The following EMCN variants were observed in gnomAD, a reference collection of about 807,000 sequenced individuals.
The protein encoded by EMCN is endomucin, also known as MUC-14.
In EMCN, 37 loss-of-function variants were observed where a neutral mutation model predicts 38.4. That is an observed-to-expected ratio of 0.96 (90% CI 0.74 to 1.27). The LOEUF (loss-of-function observed/expected upper bound fraction) is 1.27, where lower values mean the gene tolerates loss of function less well. Ranked by LOEUF, EMCN falls within the 50% of genes most tolerant of loss-of-function variation. The probability of loss-of-function intolerance (pLI) is 0.00; values close to 1 mark genes in which losing one functional copy is unlikely to be tolerated. For missense variants in EMCN, 318 were observed against 302.8 expected, an observed-to-expected ratio of 1.05 and a Z score of -0.37; for synonymous variants, 95 against 100.8, an observed-to-expected ratio of 0.94 and a Z score of 0.35.
At chr4:100,467,223 A>G (rs1234421734) in intron 3 of EMCN, among the ~76,000 whole-genome samples, 1 of 152,206 alleles carries the variant, frequency 6.6e-6, no homozygotes, top group Non-Finnish European at 1.5e-5. Context: ...AATGTTTAAG[A>G]TAAATCAAAA....
rs145096892 is a variant in EMCN at position 100,426,035 on chromosome 4, T to C, written c.416-2631A>G. Among the ~76,000 whole-genome samples, 129 of 152,270 alleles carry C rather than the reference T, an allele frequency of 8.5e-4. No homozygotes were observed. In the East Asian group the frequency reaches 0.023, roughly 27 times the overall value. On this transcript the variant is annotated intron_variant, in intron 5 of 11. Coordinates refer to ENST00000296420, the MANE Select transcript of EMCN (RefSeq NM_016242.4). ...ACAGAGACCCTCAGAGTCAAGTCTG[T>C]TGTAATAATGTATGCCCAAATTTAC... is the stretch of plus-strand genomic sequence containing the variant.
At chr4:100,447,427 C>T in intron 5 of EMCN, 106 bp downstream of exon 5, 1 of 767,550 alleles carries the variant, frequency 1.3e-6, no homozygotes, top group Non-Finnish European at 2.2e-6. Context: ...AATGTTTTCC[C>T]TTGTGCTATT....
chr4:100,427,431 C>T (rs1421232189), intron 5 of EMCN, among the ~76,000 whole-genome samples: 5 of 151,110 alleles, frequency 3.3e-5, no homozygotes, highest in African/African-American at 7.3e-5. Context: ...ACCACCACAC[C>T]CAGCTAATTT....
chr4:100,513,508 G>A (rs1310034357), intron 1 of EMCN, among the ~76,000 whole-genome samples: 1 of 152,116 alleles, frequency 6.6e-6, no homozygotes, highest in Non-Finnish European at 1.5e-5. Context: ...GTAGCTCCTT[G>A]AATACTTTTA....
At chr4:100,478,554 C>A (rs1006900881) in intron 2 of EMCN, among the ~76,000 whole-genome samples, 1 of 151,784 alleles carries the variant, frequency 6.6e-6, no homozygotes, top group African/African-American at 2.4e-5. Context: ...GAGAGTGAAA[C>A]AGAAAGAAGG....
intron 11 of EMCN, among the ~76,000 whole-genome samples, chr4:100,404,168 C>T (rs533473339): frequency 1.3e-5 from 2 of 152,108 alleles, no homozygotes; most frequent in African/African-American, 4.8e-5. Context: ...AGGTATTCTT[C>T]TAGGGATTTT....
chr4:100,406,243 A>G (rs1726389705), intron 11 of EMCN, among the ~76,000 whole-genome samples: 2 of 151,784 alleles, frequency 1.3e-5, no homozygotes, highest in South Asian at 4.2e-4. Context: ...CACTCAATTC[A>G]TCTCTGATTT....
At chr4:100,423,273 G>T in intron 6 of EMCN, 39 bp downstream of exon 6, 2 of 1,501,342 alleles carry the variant, frequency 1.3e-6, no homozygotes, top group South Asian at 1.1e-5. Flanking sequence ...GAAAGGGTCA[G>T]GTAGAGCAGA....
At chr4:100,470,641 C>T (rs1728451594) in intron 3 of EMCN, among the ~76,000 whole-genome samples, 2 of 151,892 alleles carry the variant, frequency 1.3e-5, no homozygotes, top group Non-Finnish European at 1.5e-5. Context: ...CTAAATGACC[C>T]ATCAATGACA....
At chr4:100,480,154 A>G in intron 1 of EMCN, 115 bp from the exon 2 acceptor site, 1 of 832,868 alleles carries the variant, frequency 1.2e-6, no homozygotes, top group South Asian at 1.7e-5. Context: ...CCAATTTTCC[A>G]GTTGTAATCA....
Position 100,432,318 on chromosome 4 carries a change from G to A in EMCN, c.416-8914C>T, listed in dbSNP as rs556835263. 7.3e-5 allele frequency among the ~76,000 whole-genome samples: 11 copies of A among 151,672 alleles called. No individual in the cohort carries two copies. In the South Asian group the frequency reaches 1.0e-3, roughly 14 times the overall value. ...TCAACCACAGCCAAAGGAAAGAAAC[G>A]AAAAATAAAAATTACTCTATCCTCT... is the stretch of plus-strand genomic sequence containing the variant. On this transcript the variant is annotated intron_variant, in intron 5 of 11. Transcript: ENST00000296420.
At chr4:100,465,301 A>C in intron 4 of EMCN, 122 bp downstream of exon 4, 1 of 572,746 alleles carries the variant, frequency 1.7e-6, no homozygotes, top group Non-Finnish European at 3.1e-6. Context: ...TCTATTGGGT[A>C]GAGATTAAGA....
At chr4:100,435,613 CCTGA>C (rs1219839336) in intron 5 of EMCN, among the ~76,000 whole-genome samples, 1 of 152,170 alleles carries the variant, frequency 6.6e-6, no homozygotes, top group African/African-American at 2.4e-5. Flanking sequence ...CATCACCCTA[CCTGA>C]CTTCAAACTA....
Position 100,479,977 on chromosome 4 carries a change from G to A in EMCN, c.127C>T (p.Pro43Ser), listed in dbSNP as rs751041552. The change falls in exon 2 of 12, where the codon CCA becomes TCA. Residue 43 changes from proline to serine, a missense_variant. By Grantham distance (74) the Pro-to-Ser change is moderately conservative. Coordinates refer to ENST00000296420, the MANE Select transcript of EMCN (RefSeq NM_016242.4). ...VTTTKPSITT[P>S]NTESLQKNVV... ...TTTTTCTGTAATGATTCTGTGTTTG[G>A]TGTTGTTATAGATGGTTTTGTTGTA... The A allele has an allele frequency of 1.2e-6, 2 of 1,608,428 alleles. No individual in the cohort carries two copies. The highest frequency in any genetic ancestry group is 2.3e-5 in the East Asian group (1 of 44,202).
intron 2 of EMCN, among the ~76,000 whole-genome samples, chr4:100,478,663 C>T (rs530898554): frequency 1.3e-5 from 2 of 152,172 alleles, no homozygotes; most frequent in East Asian, 1.9e-4. Flanking sequence ...TTACAGTATT[C>T]TCTACTTTCG....
Position 100,424,016 on chromosome 4 carries a change from C to T in EMCN, c.416-612G>A, listed in dbSNP as rs182219964. On this transcript the variant is annotated intron_variant, in intron 5 of 11. Coordinates refer to ENST00000296420, the MANE Select transcript of EMCN (RefSeq NM_016242.4). ...ACTAGCATCCGTGCTCTTTTTTTTC[C>T]AAGGAAAATATAAATTAAAAATTTA... Among the ~76,000 whole-genome samples, 128 of 151,564 alleles carry T rather than the reference C, an allele frequency of 8.4e-4. No individual in the cohort carries two copies. The East Asian group carries it at 0.023, about 27-fold the overall frequency.
intron 1 of EMCN, among the ~76,000 whole-genome samples, chr4:100,506,737 G>A (rs917623060): frequency 1.3e-5 from 2 of 152,180 alleles, no homozygotes; most frequent in African/African-American, 4.8e-5. Context: ...ATTCAAGTTA[G>A]AGGTTAAGGG....
At chr4:100,445,916 A>T in intron 5 of EMCN, 1 of 246,502 alleles carries the variant, frequency 4.1e-6, no homozygotes, top group Non-Finnish European at 6.5e-6. Flanking sequence ...ATTGTTTGTT[A>T]CTTATTTGGC....
At position 100,396,766 on chromosome 4, in the gene EMCN, C is replaced by A. The variant is rs936923763; in HGVS notation, c.*1647G>T. On this transcript the variant is annotated 3_prime_UTR_variant, in exon 12 of 12. Transcript: ENST00000296420. ...ACATGTTGGCCAGGCTAGTCTCAAA[C>A]TCAGATTTTTTTTTTTTCTGAAGAC... The A allele has an allele frequency of 2.0e-5, 3 of 149,802 alleles. No individual in the cohort carries two copies. The highest frequency in any genetic ancestry group is 2.9e-5 in the Non-Finnish European group (2 of 67,900). 9.3% of individuals were successfully genotyped at this position (149,802 alleles called of 1,614,324 possible). A position where few individuals can be genotyped will look rare whatever the true frequency, so the allele number is the denominator to read the frequency against.
Sources: allele counts gnomAD v4.1 joint callset (sites outside exome capture counted in the v4.1 genomes callset), GRCh38; gene constraint gnomAD v4.1.1; transcripts MANE v1.5; gene names NCBI Gene and HGNC (gene_info 2026-07-23, HGNC 2026-07-21).